DLGAP1: variants seen among roughly 807,000 people sequenced by gnomAD.
DLGAP1 encodes disks large-associated protein 1.
DLGAP1 carries 11 observed loss-of-function variants against 90.8 expected under a neutral mutation model. The observed-to-expected ratio is 0.12, with a 90% CI of 0.08 to 0.20. The LOEUF (loss-of-function observed/expected upper bound fraction) is 0.20, where lower values mean the gene tolerates loss of function less well. DLGAP1 is among the 10% of genes least tolerant of loss of function. The pLI, the probability that DLGAP1 is intolerant of heterozygous loss-of-function variation, is 1.00. For missense variants in DLGAP1, 1,050 were observed against 1,333.8 expected, an observed-to-expected ratio of 0.79 and a Z score of 3.31; for synonymous variants, 558 against 540.7, an observed-to-expected ratio of 1.03 and a Z score of -0.44.
intron 9 of DLGAP1, among the ~76,000 whole-genome samples, chr18:3,551,772 T>TTCCTTCC (rs1568180894): frequency 1.1e-5 from 1 of 92,688 alleles, no homozygotes; most frequent in African/African-American, 4.6e-5. Context: ...TCCTTCCTTC[T>TTCCTTCC]TTCCTTCCTT....
intron 1 of DLGAP1, among the ~76,000 whole-genome samples, chr18:4,193,676 T>C (rs979832369): frequency 1.3e-5 from 2 of 152,218 alleles, no homozygotes; most frequent in Non-Finnish European, 2.9e-5. Flanking sequence ...GAGAAAAATA[T>C]GACTTCTGTT....
chr18:3,573,502 C>T (rs2054930087), intron 8 of DLGAP1, among the ~76,000 whole-genome samples: 1 of 151,882 alleles, frequency 6.6e-6, no homozygotes. Flanking sequence ...AACTCCATCT[C>T]AAAAGAAAAA....
intron 5 of DLGAP1, among the ~76,000 whole-genome samples, chr18:3,747,598 T>C (rs1307789874): frequency 6.6e-6 from 1 of 152,188 alleles, no homozygotes; most frequent in Non-Finnish European, 1.5e-5. Flanking sequence ...GGCTGTTTCA[T>C]AAATGGTGTA....
At chr18:3,622,087 C>T (rs970076699) in intron 7 of DLGAP1, among the ~76,000 whole-genome samples, 4 of 151,930 alleles carry the variant, frequency 2.6e-5, no homozygotes, top group African/African-American at 4.8e-5. Flanking sequence ...TGTGTACCCA[C>T]TGACTCTACA....
chr18:3,910,124 T>C (rs1322378369), intron 3 of DLGAP1, among the ~76,000 whole-genome samples: 1 of 150,454 alleles, frequency 6.6e-6, no homozygotes, highest in African/African-American at 2.5e-5. Flanking sequence ...ATACCTGCTG[T>C]CGGCTATCTA....
At chr18:3,960,441 T>C (rs927219618) in intron 3 of DLGAP1, among the ~76,000 whole-genome samples, 1 of 151,564 alleles carries the variant, frequency 6.6e-6, no homozygotes, top group African/African-American at 2.4e-5. Context: ...CCTGTACCTA[T>C]AGTCCCAGCT....
At chr18:4,308,306 C>G (rs1033719826) in intron 1 of DLGAP1, among the ~76,000 whole-genome samples, 3 of 152,160 alleles carry the variant, frequency 2.0e-5, no homozygotes, top group African/African-American at 7.2e-5. Context: ...GTACTGATTT[C>G]TACCAGGACT....
At chr18:4,410,830 A>C (rs1396108338) in intron 1 of DLGAP1, among the ~76,000 whole-genome samples, 1 of 152,180 alleles carries the variant, frequency 6.6e-6, no homozygotes, top group Non-Finnish European at 1.5e-5. Flanking sequence ...ATTATAACCA[A>C]CAAAAGATGC....
chr18:3,585,379 T>G (rs774603216), intron 7 of DLGAP1, among the ~76,000 whole-genome samples: 9 of 152,224 alleles, frequency 5.9e-5, no homozygotes, highest in Admixed American at 1.3e-4. Flanking sequence ...GTGATTCAGC[T>G]GAAGACCCAG....
chr18:3,694,337 G>T (rs1196815815), intron 7 of DLGAP1, among the ~76,000 whole-genome samples: 1 of 152,094 alleles, frequency 6.6e-6, no homozygotes, highest in Non-Finnish European at 1.5e-5. Flanking sequence ...GAATAGTGCT[G>T]CAATAAACAT....
At chr18:4,362,037 C>CTATTGGT (rs536048756) in intron 1 of DLGAP1, among the ~76,000 whole-genome samples, 123 of 152,194 alleles carry the variant, frequency 8.1e-4, no homozygotes, top group African/African-American at 2.9e-3. Flanking sequence ...AGTGAGATAC[C>CTATTGGT]ATCTCACACC....
chr18:3,761,072 T>C (rs1004131799), intron 5 of DLGAP1, among the ~76,000 whole-genome samples: 2 of 152,226 alleles, frequency 1.3e-5, no homozygotes, highest in Admixed American at 6.5e-5. Context: ...TCCCCCTTCA[T>C]TGTGGCAAAA....
intron 1 of DLGAP1, among the ~76,000 whole-genome samples, chr18:4,290,969 C>G (rs534749421): frequency 5.9e-5 from 9 of 152,180 alleles, no homozygotes; most frequent in African/African-American, 2.2e-4. Flanking sequence ...ATAACACAAA[C>G]TGAAATGCAG....
intron 2 of DLGAP1, among the ~76,000 whole-genome samples, chr18:4,049,085 G>T (rs1459022600): frequency 1.3e-5 from 2 of 151,904 alleles, no homozygotes; most frequent in Non-Finnish European, 2.9e-5. Context: ...AAATTAGCTG[G>T]GTGTGGTGGC....
intron 1 of DLGAP1, among the ~76,000 whole-genome samples, chr18:4,391,808 G>A (rs1233061685): frequency 6.6e-6 from 1 of 152,160 alleles, no homozygotes; most frequent in African/African-American, 2.4e-5. Flanking sequence ...AGGAGTTTCT[G>A]AATGTCTCCA....
intron 7 of DLGAP1, among the ~76,000 whole-genome samples, chr18:3,641,357 G>A (rs1468563759): frequency 6.6e-6 from 1 of 151,540 alleles, no homozygotes; most frequent in African/African-American, 2.4e-5. Context: ...ACCAACATGA[G>A]GAAATCCCGT....
intron 3 of DLGAP1, among the ~76,000 whole-genome samples, chr18:3,905,366 C>CAAAAAAAAAAAAAAAAAA (rs71160924): frequency 5.0e-5 from 1 of 19,808 alleles, no homozygotes; most frequent in African/African-American, 1.7e-4. Context: ...GACTCCATCT[C>CAAAAAAAAAAAAAAAAAA]AAAAAAAAAA....
intron 9 of DLGAP1, among the ~76,000 whole-genome samples, chr18:3,562,319 T>C (rs956679513): frequency 6.6e-6 from 1 of 152,062 alleles, no homozygotes; most frequent in African/African-American, 2.4e-5. Context: ...GGAGTTCAAG[T>C]CCATCCTGGG....
chr18:3,982,162 T>C (rs1487157314), intron 3 of DLGAP1, among the ~76,000 whole-genome samples: 1 of 152,148 alleles, frequency 6.6e-6, no homozygotes, highest in Non-Finnish European at 1.5e-5. Flanking sequence ...TGTAGTCTTT[T>C]GAAAGAAAAA....
Sources: gnomAD v4.1 joint callset for allele counts (sites outside exome capture counted in the v4.1 genomes callset) on GRCh38, gnomAD v4.1.1 for gene constraint, MANE v1.5 for transcripts, NCBI Gene and HGNC (gene_info 2026-07-23, HGNC 2026-07-21) for gene names.